DENND1B: variants seen among roughly 807,000 people sequenced by gnomAD.
DENND1B encodes DENN domain-containing protein 1B.
DENND1B carries 59 observed loss-of-function variants against 90.1 expected under a neutral mutation model. The ratio of observed to expected loss-of-function variants is 0.65; its 90% CI spans 0.53 to 0.81. The LOEUF (loss-of-function observed/expected upper bound fraction) is 0.81. Ranked by LOEUF, DENND1B falls within the 40% of genes least tolerant of loss-of-function variation. DENND1B has a pLI of 0.00. For synonymous variants in DENND1B, 337 were observed against 324.6 expected (o/e 1.04, Z -0.41); for missense variants, 862 against 912.6 (o/e 0.94, Z 0.71).
At chr1:197,668,233 C>A (rs1655137212) in intron 5 of DENND1B, among the ~76,000 whole-genome samples, 1 of 151,958 alleles carries the variant, frequency 6.6e-6, no homozygotes, top group South Asian at 2.1e-4. Context: ...ATAGCAAAAA[C>A]TGTTGCTGCA....
intron 15 of DENND1B, among the ~76,000 whole-genome samples, chr1:197,564,043 T>C (rs534941927): frequency 3.9e-5 from 6 of 151,934 alleles, no homozygotes; most frequent in Non-Finnish European, 8.8e-5. Context: ...AGGAGTTACT[T>C]CTTATGGATG....
intron 2 of DENND1B, among the ~76,000 whole-genome samples, chr1:197,765,859 T>G (rs930761296): frequency 2.0e-5 from 3 of 152,242 alleles, no homozygotes; most frequent in Non-Finnish European, 2.9e-5. Context: ...ATGTAAAATT[T>G]GCAACACACC....
chr1:197,775,174 G>C lies in DENND1B; in HGVS notation c.-19C>G. 7.8e-7 allele frequency: 1 copy of C among 1,285,026 alleles called. No homozygotes were observed. Among genetic ancestry groups the C allele is most frequent in the Non-Finnish European group, 9.9e-7 (1 of 1,009,936 alleles). 79.6% of individuals were successfully genotyped at this position (1,285,026 alleles called of 1,614,324 possible). On this transcript the variant is annotated 5_prime_UTR_variant, in exon 1 of 23. Transcript: ENST00000620048. ...AGTCCATGGTTACATGTCGGTGTGGGGCTGTCCGTCCGGCCCCCGCGCGCT... is the reference window on the plus strand; with the variant it reads ...AGTCCATGGTTACATGTCGGTGTGGCGCTGTCCGTCCGGCCCCCGCGCGCT...
At chr1:197,529,902 T>C (rs1017317940) in intron 20 of DENND1B, among the ~76,000 whole-genome samples, 9 of 152,160 alleles carry the variant, frequency 5.9e-5, no homozygotes, top group Non-Finnish European at 1.2e-4. Context: ...ACTGGCCCTG[T>C]TTTCAATAAA....
At chr1:197,665,574 C>A (rs1654862339) in intron 5 of DENND1B, among the ~76,000 whole-genome samples, 1 of 152,034 alleles carries the variant, frequency 6.6e-6, no homozygotes, top group Non-Finnish European at 1.5e-5. Flanking sequence ...AGAGTCTCTG[C>A]CAGTCAAGAA....
intron 2 of DENND1B, among the ~76,000 whole-genome samples, chr1:197,772,168 G>T (rs760307722): frequency 6.6e-6 from 1 of 152,080 alleles, no homozygotes; most frequent in Non-Finnish European, 1.5e-5. Context: ...AGTTTCCATT[G>T]GTACTAGCAG....
intron 15 of DENND1B, among the ~76,000 whole-genome samples, chr1:197,561,172 A>C (rs920469756): frequency 6.6e-6 from 1 of 151,902 alleles, no homozygotes; most frequent in South Asian, 2.1e-4. Context: ...AGCAAAATTC[A>C]AAAGAGCTGT....
At chr1:197,741,400 CATT>C (rs1663202399) in intron 2 of DENND1B, among the ~76,000 whole-genome samples, 1 of 152,156 alleles carries the variant, frequency 6.6e-6, no homozygotes, top group Non-Finnish European at 1.5e-5. Flanking sequence ...AGCAAATAAT[CATT>C]AAAGCAGTTT....
chr1:197,541,084 G>A, intron 18 of DENND1B, 69 bp from the exon 19 acceptor site: 1 of 1,326,720 alleles, frequency 7.5e-7, no homozygotes, highest in Non-Finnish European at 1.1e-6. Context: ...AAGTATACAA[G>A]ATCAAATTTA....
chr1:197,754,429 G>A (rs1183025164), intron 2 of DENND1B, among the ~76,000 whole-genome samples: 1 of 152,032 alleles, frequency 6.6e-6, no homozygotes, highest in East Asian at 1.9e-4. Context: ...GCTCACACCT[G>A]TAATCCCAAC....
intron 2 of DENND1B, among the ~76,000 whole-genome samples, chr1:197,756,990 T>C (rs1223462749): frequency 6.7e-6 from 1 of 149,880 alleles, no homozygotes; most frequent in Non-Finnish European, 1.5e-5. Flanking sequence ...AATATATTTA[T>C]ATATATATAT....
chr1:197,512,505 A>C (rs3790737), intron 21 of DENND1B, among the ~76,000 whole-genome samples: 144,528 of 151,616 alleles, frequency 0.95, 69,255 homozygotes, highest in South Asian at 1. Context: ...ACTTAAGTCT[A>C]CTGTACCCTC....
chr1:197,538,192 A>G (rs1002379539), intron 20 of DENND1B, among the ~76,000 whole-genome samples: 41 of 152,248 alleles, frequency 2.7e-4, no homozygotes, highest in African/African-American at 9.6e-4. Flanking sequence ...CAGAAAATCT[A>G]CTCGCCATGG....
At chr1:197,695,961 T>G (rs561089815) in intron 3 of DENND1B, among the ~76,000 whole-genome samples, 34 of 151,568 alleles carry the variant, frequency 2.2e-4, no homozygotes, top group African/African-American at 7.9e-4. Context: ...TTTTAAATTA[T>G]GAATGTATAA....
chr1:197,750,802 A>G (rs534284120), intron 2 of DENND1B, among the ~76,000 whole-genome samples: 1 of 152,332 alleles, frequency 6.6e-6, no homozygotes, highest in African/African-American at 2.4e-5. Context: ...CTTTTAACAT[A>G]TGAAATTTCT....
rs1172874122 is a variant in DENND1B, at chr1:197,507,545, G to T, written c.*2915C>A. ...GGTAAAAAGAAAAAAGTGAGAGTGG[G>T]ATTCAGAAAGAACCATGACTCCATT... On this transcript the variant is annotated 3_prime_UTR_variant, in exon 23 of 23. Coordinates refer to ENST00000620048, the MANE Select transcript of DENND1B (RefSeq NM_001195215.2). 3 of 151,410 alleles carry T rather than the reference G, an allele frequency of 2.0e-5. No individual in the cohort carries two copies. Among genetic ancestry groups the T allele is most frequent in the East Asian group, 3.9e-4 (2 of 5,142 alleles). 9.4% of individuals were successfully genotyped at this position (151,410 alleles called of 1,614,324 possible).
intron 13 of DENND1B, among the ~76,000 whole-genome samples, chr1:197,599,983 C>T (rs1676054185): frequency 6.6e-6 from 1 of 151,794 alleles, no homozygotes; most frequent in Admixed American, 6.6e-5. Flanking sequence ...TATTTCACTA[C>T]AGCTATATAG....
chr1:197,611,816 A>T, intron 12 of DENND1B, 115 bp downstream of exon 12: 1 of 795,552 alleles, frequency 1.3e-6, no homozygotes, highest in East Asian at 2.9e-5. Context: ...TACTCTAAAT[A>T]TGAAACTAGT....
intron 2 of DENND1B, among the ~76,000 whole-genome samples, chr1:197,764,847 G>T (rs1331760734): frequency 6.6e-6 from 1 of 152,174 alleles, no homozygotes; most frequent in Non-Finnish European, 1.5e-5. Flanking sequence ...AAAAGGAATT[G>T]TTAGTTGAAA....
Sources: gnomAD v4.1 joint callset for allele counts (sites outside exome capture counted in the v4.1 genomes callset) on GRCh38, gnomAD v4.1.1 for gene constraint, MANE v1.5 for transcripts, NCBI Gene and HGNC (gene_info 2026-07-23, HGNC 2026-07-21) for gene names.